METTL15: variants seen among roughly 807,000 people sequenced by gnomAD.
The protein encoded by METTL15 is 12S rRNA N(4)-cytidine methyltransferase METTL15.
A neutral mutation model predicts 38.3 loss-of-function variants in METTL15; 34 were observed. That is an observed-to-expected ratio of 0.89 (90% CI 0.68 to 1.18). The LOEUF is 1.18. METTL15 is among the 50% of genes most tolerant of loss of function. The pLI is 0.00. For synonymous variants in METTL15, 162 were observed against 170.9 expected, an observed-to-expected ratio of 0.95 and a Z score of 0.41; for missense variants, 438 against 498.4, an observed-to-expected ratio of 0.88 and a Z score of 1.15.
rs767762670 is a variant in METTL15 at position 28,122,825 on chromosome 11, T to A, written c.270+9221T>A. 2.6e-5 allele frequency among the ~76,000 whole-genome samples: 4 copies of A among 152,148 alleles called. No individual in the cohort carries two copies. The South Asian group carries it at 6.2e-4, about 24-fold the overall frequency. On this transcript the variant is annotated intron_variant, in intron 3 of 6. Transcript: ENST00000407364. The stretch of plus-strand genomic sequence containing the variant: ...GACCAACAACTTATTCAATTATTTT[T>A]CCTATCCAGTGGCTTTAAATTATCT...
chr11:28,389,737 G>GTA (rs1027604195), intron 5 of METTL15, among the ~76,000 whole-genome samples: 12 of 151,576 alleles, frequency 7.9e-5, no homozygotes, highest in Admixed American at 7.2e-4. Context: ...AGTCCTTTGG[G>GTA]TATATACCCA....
At chr11:28,439,002 T>C (rs1851009041) in intron 6 of METTL15, among the ~76,000 whole-genome samples, 1 of 122,708 alleles carries the variant, frequency 8.1e-6, no homozygotes, top group Admixed American at 9.4e-5. Flanking sequence ...AACCATTAAT[T>C]GTGTGTGTAT....
Position 28,201,165 on chromosome 11 carries a change from A to G in METTL15, c.271-9897A>G, listed in dbSNP as rs146550152. 6.5e-4 allele frequency among the ~76,000 whole-genome samples: 99 copies of G among 152,266 alleles called. 2 individuals carry two copies. The highest frequency in any genetic ancestry group is 2.3e-3 in the African/African-American group (95 of 41,562). ...GGCCTTTTCTGAGTCTATTGAGATA[A>G]TCATGTGGTTTTTGTCACTGATTCT... On this transcript the variant is annotated intron_variant, in intron 3 of 6. Transcript: ENST00000407364.
At chr11:28,261,983 A>G (rs144179005) in intron 4 of METTL15, among the ~76,000 whole-genome samples, 86 of 152,306 alleles carry the variant, frequency 5.6e-4, no homozygotes, top group Non-Finnish European at 1.0e-3. Flanking sequence ...ATCACAGAGA[A>G]CTAATCATTG....
At chr11:28,336,783 G>A (rs1849904469), downstream of METTL15, among the ~76,000 whole-genome samples, 1 of 152,106 alleles carries the variant, frequency 6.6e-6, no homozygotes, top group African/African-American at 2.4e-5. Context: ...GTGATAAATG[G>A]CTATGTTTCT....
At chr11:28,284,235 A>G (rs1429381784) in intron 4 of METTL15, among the ~76,000 whole-genome samples, 1 of 152,148 alleles carries the variant, frequency 6.6e-6, no homozygotes, top group Admixed American at 6.6e-5. Context: ...TGTACATTAT[A>G]ATGTTGAGCT....
At chr11:28,255,720 T>C (rs1854944826) in intron 4 of METTL15, among the ~76,000 whole-genome samples, 1 of 152,206 alleles carries the variant, frequency 6.6e-6, no homozygotes, top group South Asian at 2.1e-4. Flanking sequence ...GGCTTTTCTT[T>C]GAGACGGAGT....
At chr11:28,167,759 A>C (rs1357794238) in intron 3 of METTL15, among the ~76,000 whole-genome samples, 2 of 151,694 alleles carry the variant, frequency 1.3e-5, no homozygotes, top group African/African-American at 2.4e-5. Flanking sequence ...AAAATATATA[A>C]ATTTATACTG....
chr11:28,501,752 C>A (rs960248497), intron 6 of METTL15, among the ~76,000 whole-genome samples: 1 of 152,256 alleles, frequency 6.6e-6, no homozygotes, highest in Middle Eastern at 3.4e-3. Flanking sequence ...CAATCCGTAT[C>A]ACCCACTGTG....
chr11:28,482,608 A>C (rs1314307075), intron 6 of METTL15, among the ~76,000 whole-genome samples: 2 of 152,192 alleles, frequency 1.3e-5, no homozygotes, highest in African/African-American at 2.4e-5. Context: ...CACTTATCAG[A>C]TGAGGAAGGT....
intron 4 of METTL15, among the ~76,000 whole-genome samples, chr11:28,213,138 A>T (rs1487680981): frequency 2.0e-5 from 3 of 152,194 alleles, no homozygotes; most frequent in Admixed American, 2.0e-4. Context: ...GCCTTGGCTC[A>T]AATCTTGAGA....
At chr11:28,357,670 G>A (rs1403117719) in intron 4 of METTL15, among the ~76,000 whole-genome samples, 2 of 152,130 alleles carry the variant, frequency 1.3e-5, no homozygotes, top group Admixed American at 1.3e-4. Flanking sequence ...AACCATCTCA[G>A]TCCCCAACCT....
At chr11:28,383,861 A>G (rs1449384205) in intron 5 of METTL15, among the ~76,000 whole-genome samples, 2 of 152,000 alleles carry the variant, frequency 1.3e-5, no homozygotes, top group Non-Finnish European at 2.9e-5. Context: ...GGTTTGTTAG[A>G]TAGGTAAACT....
chr11:28,210,911 AACAAATTCAACTATAGGC>A (rs1852606991), intron 3 of METTL15, 133 bp from the exon 4 acceptor site: 3 of 817,048 alleles, frequency 3.7e-6, no homozygotes, highest in Admixed American at 3.0e-5. Context: ...TCTCACATGT[AACAAATTCAACTATAGGC>A]ACAACGATTG....
intron 4 of METTL15, among the ~76,000 whole-genome samples, chr11:28,275,602 A>G (rs1855810690): frequency 6.6e-6 from 1 of 151,280 alleles, no homozygotes; most frequent in Non-Finnish European, 1.5e-5. Flanking sequence ...TAATCCTACA[A>G]GATCAGAATC....
In METTL15 at chr11:28,113,738, G is replaced by A. The variant is rs554122937; in HGVS notation, c.270+134G>A. 9.3e-4 allele frequency: 820 copies of A among 881,376 alleles called. 1 individual carries two copies. Among genetic ancestry groups the A allele is most frequent in the Non-Finnish European group, 1.0e-3 (588 of 584,928 alleles). 54.6% of individuals were successfully genotyped at this position (881,376 alleles called of 1,614,324 possible). On this transcript the variant is annotated intron_variant, in intron 3 of 6. Coordinates refer to ENST00000407364, the MANE Select transcript of METTL15 (RefSeq NM_001113528.2). Reference sequence around the variant, plus strand: ...AATCCCAACTTTTGATGGTTGATGCGAAAGTGATACACATTCAGTAGAAAT... The same window carrying A: ...AATCCCAACTTTTGATGGTTGATGCAAAAGTGATACACATTCAGTAGAAAT...
intron 5 of METTL15, among the ~76,000 whole-genome samples, chr11:28,396,839 T>A (rs941075193): frequency 5.9e-5 from 9 of 152,124 alleles, no homozygotes; most frequent in African/African-American, 2.2e-4. Flanking sequence ...GACTTCAAAC[T>A]ATACTACAAG....
intron 6 of METTL15, among the ~76,000 whole-genome samples, chr11:28,319,843 A>G (rs1488630456): frequency 6.6e-6 from 1 of 152,174 alleles, no homozygotes; most frequent in Non-Finnish European, 1.5e-5. Flanking sequence ...TGGAAAAAGG[A>G]GTGTAGCATG....
chr11:28,452,481 T>C (rs1444329567), intron 6 of METTL15, among the ~76,000 whole-genome samples: 1 of 152,210 alleles, frequency 6.6e-6, no homozygotes, highest in Non-Finnish European at 1.5e-5. Context: ...TGAGAAACAA[T>C]GCTGTATGTG....
Sources: allele counts gnomAD v4.1 joint callset (sites outside exome capture counted in the v4.1 genomes callset), GRCh38; gene constraint gnomAD v4.1.1; transcripts MANE v1.5; gene names NCBI Gene and HGNC (gene_info 2026-07-23, HGNC 2026-07-21).